AFF1: variants seen among roughly 807,000 people sequenced by gnomAD.
AFF1 encodes ALF transcription elongation factor 1.
AFF1 carries 48 observed loss-of-function variants against 121.7 expected under a neutral mutation model. That is an observed-to-expected ratio of 0.39 (90% CI 0.31 to 0.50). The LOEUF is 0.50. Among genes scored for constraint, AFF1 ranks in the 20% least tolerant of loss-of-function variants. AFF1 has a pLI of 0.76. For synonymous variants in AFF1, 613 were observed against 563.0 expected (o/e 1.09, Z -1.26); for missense variants, 1,523 against 1,511.7 (o/e 1.01, Z -0.12).
At chr4:87,001,188 G>A (rs1418388902) in intron 2 of AFF1, among the ~76,000 whole-genome samples, 1 of 142,234 alleles carries the variant, frequency 7.0e-6, no homozygotes, top group South Asian at 2.3e-4. Flanking sequence ...TGGATGAGAG[G>A]ACTGCTTTCC....
rs369984199 is a variant in AFF1, at chr4:87,007,451, C to T, written c.39-38715C>T. ...TAAGCCGTGCACCGGAGAAACTTTT[C>T]AAACGCGTTCGTGGCGAGGGGAGCT... On this transcript the variant is annotated intron_variant, in intron 2 of 20. Transcript: ENST00000395146. 72 of 1,613,982 alleles carry T rather than the reference C, an allele frequency of 4.5e-5. 1 individual carries two copies. The African/African-American group carries it at 9.3e-4, about 21-fold the overall frequency.
intron 2 of AFF1, among the ~76,000 whole-genome samples, chr4:86,964,616 T>A (rs1441397399): frequency 1.3e-5 from 2 of 151,732 alleles, no homozygotes; most frequent in Non-Finnish European, 2.9e-5. Context: ...GTATTTTTAG[T>A]AGAGACAGGG....
intron 2 of AFF1, among the ~76,000 whole-genome samples, chr4:87,031,153 C>T (rs1462422804): frequency 6.6e-6 from 1 of 152,134 alleles, no homozygotes; most frequent in Non-Finnish European, 1.5e-5. Flanking sequence ...ATCGTCCCCA[C>T]AGAGTATCAG....
At chr4:87,135,356 A>G (rs560804248) in intron 20 of AFF1, among the ~76,000 whole-genome samples, 2 of 152,278 alleles carry the variant, frequency 1.3e-5, no homozygotes, top group South Asian at 2.1e-4. Context: ...TCCAAGTGCC[A>G]GCCATTGTGC....
At chr4:87,021,184 C>A (rs550314820) in intron 2 of AFF1, among the ~76,000 whole-genome samples, 1 of 152,280 alleles carries the variant, frequency 6.6e-6, no homozygotes, top group Non-Finnish European at 1.5e-5. Context: ...CAACTTGGGG[C>A]CTTGTAATAG....
chr4:86,938,774 C>G (rs1395585164), intron 1 of AFF1, among the ~76,000 whole-genome samples: 1 of 152,220 alleles, frequency 6.6e-6, no homozygotes, highest in African/African-American at 2.4e-5. Flanking sequence ...ATCTGGACAA[C>G]AGATTGTTAT....
chr4:86,949,440 GT>G (rs1329720572), intron 2 of AFF1, among the ~76,000 whole-genome samples: 1 of 149,632 alleles, frequency 6.7e-6, no homozygotes, highest in Non-Finnish European at 1.5e-5. Flanking sequence ...GTTTTTAAAT[GT>G]TACTACTACC....
At chr4:86,972,834 C>T (rs1723038958) in intron 2 of AFF1, among the ~76,000 whole-genome samples, 1 of 152,188 alleles carries the variant, frequency 6.6e-6, no homozygotes. Flanking sequence ...GCTAGCACAC[C>T]TGGCCTAATA....
intron 12 of AFF1, among the ~76,000 whole-genome samples, chr4:87,117,735 A>G (rs1206044108): frequency 6.6e-6 from 1 of 152,242 alleles, no homozygotes; most frequent in East Asian, 1.9e-4. Context: ...AGTCAACCGT[A>G]TTCTTATTTC....
At chr4:86,991,406 C>T (rs1724697994) in intron 2 of AFF1, among the ~76,000 whole-genome samples, 1 of 151,498 alleles carries the variant, frequency 6.6e-6, no homozygotes, top group Admixed American at 6.6e-5. Context: ...GATCGCCCCA[C>T]TGCACTCCAG....
chr4:87,119,659 C>G (rs992362781), intron 12 of AFF1, among the ~76,000 whole-genome samples: 31 of 152,362 alleles, frequency 2.0e-4, no homozygotes, highest in African/African-American at 7.5e-4. Flanking sequence ...TAATTCCTCA[C>G]TTCATTCAGT....
intron 2 of AFF1, among the ~76,000 whole-genome samples, chr4:86,951,644 G>C (rs1221234599): frequency 2.4e-5 from 2 of 82,036 alleles, no homozygotes; most frequent in Non-Finnish European, 4.2e-5. Flanking sequence ...TTTTTTTTGA[G>C]ACGGAGTCTC....
chr4:87,001,206 A>ATTTTT (rs1725687669), intron 2 of AFF1, among the ~76,000 whole-genome samples: 1 of 24,038 alleles, frequency 4.2e-5, no homozygotes, highest in Non-Finnish European at 1.2e-4. Flanking sequence ...TCCTTTTTCT[A>ATTTTT]CTTTTTTTTT....
intron 2 of AFF1, among the ~76,000 whole-genome samples, chr4:87,022,746 G>A (rs7683764): frequency 1.8e-4 from 27 of 147,928 alleles, no homozygotes; most frequent in Non-Finnish European, 3.7e-4. Flanking sequence ...CTGTGTGTGT[G>A]TATATATATA....
At chr4:87,081,627 G>A (rs796322345) in intron 4 of AFF1, among the ~76,000 whole-genome samples, 22 of 152,204 alleles carry the variant, frequency 1.4e-4, no homozygotes, top group African/African-American at 5.1e-4. Flanking sequence ...CCAATTATTT[G>A]CCATGGGAAA....
chr4:86,956,059 G>C (rs926214523), intron 2 of AFF1, among the ~76,000 whole-genome samples: 4 of 152,202 alleles, frequency 2.6e-5, no homozygotes, highest in African/African-American at 9.6e-5. Context: ...ATGTTTTCCT[G>C]AAATAGTGAT....
chr4:86,977,911 A>T (rs1723428670), intron 2 of AFF1, among the ~76,000 whole-genome samples: 1 of 152,154 alleles, frequency 6.6e-6, no homozygotes, highest in South Asian at 2.1e-4. Context: ...GTATTTATCG[A>T]GTGCCTACTG....
intron 2 of AFF1, among the ~76,000 whole-genome samples, chr4:87,010,776 A>G (rs1043260811): frequency 9.2e-5 from 14 of 152,254 alleles, no homozygotes; most frequent in African/African-American, 3.4e-4. Context: ...AAATACTATC[A>G]GGGATTAGCC....
intron 2 of AFF1, among the ~76,000 whole-genome samples, chr4:86,995,224 C>A (rs1156967937): frequency 6.6e-6 from 1 of 151,128 alleles, no homozygotes; most frequent in Non-Finnish European, 1.5e-5. Context: ...CAGAATGAGA[C>A]CTTTTCTCAA....
Sources: gnomAD v4.1 joint callset for allele counts (sites outside exome capture counted in the v4.1 genomes callset) on GRCh38, gnomAD v4.1.1 for gene constraint, MANE v1.5 for transcripts, NCBI Gene and HGNC (gene_info 2026-07-23, HGNC 2026-07-21) for gene names.